NRG3: variants seen among roughly 807,000 people sequenced by gnomAD.
The protein encoded by NRG3 is neuregulin 3, also known as pro-neuregulin-3, membrane-bound isoform.
NRG3 carries 31 observed loss-of-function variants against 66.9 expected under a neutral mutation model. The observed-to-expected ratio is 0.46, with a 90% confidence interval of 0.35 to 0.63. NRG3 has a LOEUF of 0.63. NRG3 is among the 20% of genes least tolerant of loss of function. NRG3 has a pLI of 0.00. For missense variants in NRG3, 910 were observed against 878.9 expected (o/e 1.04, Z -0.45); for synonymous variants, 393 against 359.4 (o/e 1.09, Z -1.06).
chr10:82,124,567 G>C (rs1387109702), intron 1 of NRG3, among the ~76,000 whole-genome samples: 1 of 151,706 alleles, frequency 6.6e-6, no homozygotes, highest in Non-Finnish European at 1.5e-5. Context: ...GCCTGTCGGG[G>C]GGTGGAGGGC....
At chr10:82,326,918 A>T (rs544356701) in intron 1 of NRG3, among the ~76,000 whole-genome samples, 2 of 152,312 alleles carry the variant, frequency 1.3e-5, no homozygotes, top group South Asian at 2.1e-4. Context: ...TCAAAAAAAG[A>T]TTGTTTAAAA....
At chr10:82,496,143 G>A (rs1843613457) in intron 2 of NRG3, among the ~76,000 whole-genome samples, 1 of 152,136 alleles carries the variant, frequency 6.6e-6, no homozygotes, top group Admixed American at 6.6e-5. Context: ...TACTCTGAAA[G>A]AAAAGAAGAA....
At chr10:82,178,726 A>G (rs1000606191) in intron 1 of NRG3, among the ~76,000 whole-genome samples, 19 of 152,124 alleles carry the variant, frequency 1.2e-4, no homozygotes, top group African/African-American at 3.9e-4. Context: ...GTTATGTTAG[A>G]TAAATACCCA....
intron 4 of NRG3, among the ~76,000 whole-genome samples, chr10:82,938,721 G>A (rs893766447): frequency 6.6e-6 from 1 of 152,186 alleles, no homozygotes; most frequent in African/African-American, 2.4e-5. Context: ...GGTCTTTAGT[G>A]GGTTAGAATC....
chr10:82,139,375 C>T (rs1429832192), intron 1 of NRG3, among the ~76,000 whole-genome samples: 12 of 152,124 alleles, frequency 7.9e-5, no homozygotes, highest in Admixed American at 5.2e-4. Context: ...ATGACACCAT[C>T]ATGCTTCAGT....
intron 3 of NRG3, among the ~76,000 whole-genome samples, chr10:82,803,867 C>T (rs759363906): frequency 6.6e-5 from 10 of 151,928 alleles, no homozygotes; most frequent in Non-Finnish European, 5.9e-5. Context: ...CTTCACTTTA[C>T]GGTTTTAGTT....
intron 3 of NRG3, among the ~76,000 whole-genome samples, chr10:82,803,056 T>C (rs1322227970): frequency 6.6e-6 from 1 of 152,114 alleles, no homozygotes; most frequent in African/African-American, 2.4e-5. Context: ...ATGTAGAAAA[T>C]TCTGGTTTAA....
chr10:82,522,770 T>C (rs1256485052), intron 2 of NRG3, among the ~76,000 whole-genome samples: 1 of 152,212 alleles, frequency 6.6e-6, no homozygotes, highest in Non-Finnish European at 1.5e-5. Context: ...TTCTAATAGC[T>C]TTATTGAGAT....
chr10:82,662,144 G>T (rs909512738), intron 2 of NRG3, among the ~76,000 whole-genome samples: 7 of 152,168 alleles, frequency 4.6e-5, no homozygotes, highest in African/African-American at 1.7e-4. Context: ...GATTCATATT[G>T]TTTGCTGTCC....
intron 3 of NRG3, among the ~76,000 whole-genome samples, chr10:82,814,233 T>C (rs1315016346): frequency 6.6e-6 from 1 of 152,250 alleles, no homozygotes; most frequent in East Asian, 1.9e-4. Context: ...TGACCACTAT[T>C]TGTATACACT....
intron 1 of NRG3, among the ~76,000 whole-genome samples, chr10:82,246,682 A>G (rs1224739215): frequency 6.6e-6 from 1 of 152,224 alleles, no homozygotes; most frequent in Non-Finnish European, 1.5e-5. Context: ...GCAGAAAAAA[A>G]AGAATGGGAA....
chr10:82,905,912 A>G (rs907662612), intron 4 of NRG3, among the ~76,000 whole-genome samples: 1 of 152,098 alleles, frequency 6.6e-6, no homozygotes, highest in African/African-American at 2.4e-5. Context: ...GCTTCTAACC[A>G]CATTCCTGTA....
chr10:82,274,135 T>C, intron 1 of NRG3, among the ~76,000 whole-genome samples: 1 of 152,006 alleles, frequency 6.6e-6, no homozygotes. Context: ...ACTTTTATTT[T>C]AAAATTAAAA....
At chr10:81,996,106 G>A (rs902550913) in intron 1 of NRG3, among the ~76,000 whole-genome samples, 2 of 152,108 alleles carry the variant, frequency 1.3e-5, no homozygotes, top group African/African-American at 4.8e-5. Flanking sequence ...GTATTAACAT[G>A]ATGGAAATTT....
chr10:81,909,083 C>T (rs944152933), intron 1 of NRG3, among the ~76,000 whole-genome samples: 4 of 152,186 alleles, frequency 2.6e-5, no homozygotes, highest in African/African-American at 9.6e-5. Context: ...TCTGAAGGCT[C>T]TAGGGAATAA....
At chr10:82,113,323 T>C (rs2067501918) in intron 1 of NRG3, among the ~76,000 whole-genome samples, 1 of 152,150 alleles carries the variant, frequency 6.6e-6, no homozygotes, top group African/African-American at 2.4e-5. Flanking sequence ...ATGCCAGCCG[T>C]TGTCCTATGG....
intron 2 of NRG3, among the ~76,000 whole-genome samples, chr10:82,734,489 G>A (rs556672861): frequency 6.6e-6 from 1 of 152,008 alleles, no homozygotes; most frequent in African/African-American, 2.4e-5. Context: ...CCTCTATTTG[G>A]CCCTGAGGCT....
intron 3 of NRG3, among the ~76,000 whole-genome samples, chr10:82,839,193 C>T (rs2062932394): frequency 6.6e-6 from 1 of 152,108 alleles, no homozygotes; most frequent in Non-Finnish European, 1.5e-5. Flanking sequence ...TATTTGAAAT[C>T]TGAGTTATAA....
intron 1 of NRG3, among the ~76,000 whole-genome samples, chr10:81,907,190 AACC>A (rs1844677403): frequency 1.3e-5 from 2 of 152,144 alleles, no homozygotes; most frequent in Non-Finnish European, 2.9e-5. Flanking sequence ...AGGAGAAGAA[AACC>A]ACCAACTAAA....
Sources: allele counts gnomAD v4.1 joint callset (sites outside exome capture counted in the v4.1 genomes callset), GRCh38; gene constraint gnomAD v4.1.1; transcripts MANE v1.5; gene names NCBI Gene and HGNC (gene_info 2026-07-23, HGNC 2026-07-21).